The following FGGY variants were observed in gnomAD, a reference collection of about 807,000 sequenced individuals.
FGGY encodes FGGY carbohydrate kinase domain containing.
A neutral mutation model predicts 71.3 loss-of-function variants in FGGY; 72 were observed. The ratio of observed to expected loss-of-function variants is 1.01; its 90% CI spans 0.84 to 1.23. The LOEUF is 1.23. Among genes scored for constraint, FGGY ranks in the 50% most tolerant of loss-of-function variants. FGGY has a pLI of 0.00. For synonymous variants in FGGY, 251 were observed against 250.3 expected, an observed-to-expected ratio of 1.00 and a Z score of -0.02; for missense variants, 668 against 682.3, an observed-to-expected ratio of 0.98 and a Z score of 0.23.
intron 8 of FGGY, among the ~76,000 whole-genome samples, chr1:59,583,923 C>T (rs1441935429): frequency 1.7e-5 from 2 of 116,678 alleles, no homozygotes; most frequent in Non-Finnish European, 3.7e-5. Context: ...CTAACCACTG[C>T]TGCTCGGAAG....
intron 5 of FGGY, among the ~76,000 whole-genome samples, chr1:59,415,659 A>G (rs2064267466): frequency 6.6e-6 from 1 of 152,172 alleles, no homozygotes; most frequent in South Asian, 2.1e-4. Flanking sequence ...TGCCCCTAGC[A>G]GTTATCACAC....
At chr1:59,447,466 T>C (rs2071552039) in intron 5 of FGGY, among the ~76,000 whole-genome samples, 1 of 152,214 alleles carries the variant, frequency 6.6e-6, no homozygotes, top group Non-Finnish European at 1.5e-5. Flanking sequence ...CAAGATACTC[T>C]ACCCTTACCT....
At chr1:59,582,701 T>C (rs1166240225) in intron 8 of FGGY, among the ~76,000 whole-genome samples, 1 of 150,220 alleles carries the variant, frequency 6.7e-6, no homozygotes, top group Non-Finnish European at 1.5e-5. Flanking sequence ...GTGCGTATCC[T>C]TCTGTGTTTG....
At chr1:59,392,893 A>G (rs2060863916) in intron 5 of FGGY, among the ~76,000 whole-genome samples, 2 of 152,130 alleles carry the variant, frequency 1.3e-5, no homozygotes, top group South Asian at 4.1e-4. Flanking sequence ...AAAATTGTCA[A>G]CCTGTATTGT....
chr1:59,532,955 T>C (rs2095193516), intron 7 of FGGY, among the ~76,000 whole-genome samples: 2 of 152,088 alleles, frequency 1.3e-5, no homozygotes, highest in South Asian at 4.2e-4. Context: ...CTATTTTATT[T>C]CTCTAATCCA....
At chr1:59,692,934 T>C (rs2097606348) in intron 14 of FGGY, among the ~76,000 whole-genome samples, 1 of 152,114 alleles carries the variant, frequency 6.6e-6, no homozygotes, top group African/African-American at 2.4e-5. Context: ...TCAGAAGACT[T>C]GAGTCTGAGC....
chr1:59,530,250 G>A lies in FGGY; in HGVS notation c.799+17811G>A, dbSNP rs1025703746. Among the ~76,000 whole-genome samples the A allele has an allele frequency of 1.1e-4, 17 of 152,234 alleles. No individual in the cohort carries two copies. The South Asian group carries it at 2.5e-3, about 22-fold the overall frequency. The stretch of plus-strand genomic sequence containing the variant: ...TAGGAAAGTACAAGGATTATTCTCC[G>A]GCTGTCACCCAGCACTGCTAACTTA... On this transcript the variant is annotated intron_variant, in intron 7 of 15. Transcript: ENST00000303721.
intron 7 of FGGY, among the ~76,000 whole-genome samples, chr1:59,517,847 A>G (rs917879688): frequency 6.6e-6 from 1 of 152,206 alleles, no homozygotes; most frequent in African/African-American, 2.4e-5. Flanking sequence ...GGATATTACA[A>G]CTGAGAGAGA....
intron 6 of FGGY, among the ~76,000 whole-genome samples, chr1:59,482,651 T>A (rs1037054131): frequency 2.0e-5 from 3 of 151,036 alleles, no homozygotes; most frequent in Non-Finnish European, 4.4e-5. Flanking sequence ...TATATATATA[T>A]AAACACCATA....
intron 6 of FGGY, among the ~76,000 whole-genome samples, chr1:59,460,271 C>T (rs941625370): frequency 1.3e-5 from 2 of 152,192 alleles, no homozygotes; most frequent in African/African-American, 2.4e-5. Context: ...TCGGCGGGTC[C>T]CATGCCCAGG....
chr1:59,323,130 C>G (rs1217358146), intron 2 of FGGY, among the ~76,000 whole-genome samples: 1 of 152,188 alleles, frequency 6.6e-6, no homozygotes, highest in Non-Finnish European at 1.5e-5. Flanking sequence ...TTTCAGCCCC[C>G]AATCTGGTAA....
At chr1:59,704,187 T>TA (rs969645790) in intron 14 of FGGY, among the ~76,000 whole-genome samples, 7 of 152,142 alleles carry the variant, frequency 4.6e-5, no homozygotes, top group Non-Finnish European at 8.8e-5. Context: ...CTGAGCATCT[T>TA]ACCATTCCTA....
intron 14 of FGGY, among the ~76,000 whole-genome samples, chr1:59,753,999 T>C (rs1304553379): frequency 2.0e-5 from 3 of 152,236 alleles, no homozygotes; most frequent in Non-Finnish European, 4.4e-5. Flanking sequence ...AAAGGTAAGA[T>C]GTTTTCCAGT....
chr1:59,734,862 A>C (rs2098086473), intron 14 of FGGY, among the ~76,000 whole-genome samples: 1 of 152,180 alleles, frequency 6.6e-6, no homozygotes, highest in East Asian at 1.9e-4. Flanking sequence ...CTGGGGGCCA[A>C]GGTGCCCAGG....
At chr1:59,586,103 G>A (rs1005830752) in intron 8 of FGGY, among the ~76,000 whole-genome samples, 9 of 152,296 alleles carry the variant, frequency 5.9e-5, no homozygotes, top group Admixed American at 1.3e-4. Flanking sequence ...TCAGTGTGGC[G>A]ATTCCTCAGG....
rs141052610 is a variant in FGGY, at chr1:59,447,198, G to A, written c.555-9763G>A. The stretch of plus-strand genomic sequence containing the variant: ...GATGAAAATAAAGATGGTGATTATA[G>A]TAGCTTTACTTATATTAGCTTTACT... On this transcript the variant is annotated intron_variant, in intron 5 of 15. Transcript: ENST00000303721. Among the ~76,000 whole-genome samples, 804 of 152,286 alleles carry A rather than the reference G, an allele frequency of 5.3e-3. 11 individuals are homozygous for A. The highest frequency in any genetic ancestry group is 0.018 in the African/African-American group (741 of 41,552).
At chr1:59,379,162 A>ACACACAC (rs2059056932) in intron 5 of FGGY, among the ~76,000 whole-genome samples, 1 of 143,136 alleles carries the variant, frequency 7.0e-6, no homozygotes, top group South Asian at 2.2e-4. Context: ...GGAAAAAATA[A>ACACACAC]ACACACACAC....
chr1:59,518,683 C>T (rs987629195), intron 7 of FGGY, among the ~76,000 whole-genome samples: 45 of 152,334 alleles, frequency 3.0e-4, no homozygotes, highest in African/African-American at 1.0e-3. Context: ...CACTCTCTCT[C>T]TTGCTTCTGC....
intron 5 of FGGY, among the ~76,000 whole-genome samples, chr1:59,409,880 A>G (rs957563425): frequency 2.6e-5 from 4 of 152,192 alleles, no homozygotes; most frequent in African/African-American, 7.2e-5. Context: ...TGTAGTGCAC[A>G]TTCTGATAGG....
Sources: gnomAD v4.1 joint callset for allele counts (sites outside exome capture counted in the v4.1 genomes callset) on GRCh38, gnomAD v4.1.1 for gene constraint, MANE v1.5 for transcripts, NCBI Gene and HGNC (gene_info 2026-07-23, HGNC 2026-07-21) for gene names.